The following COL18A1 variants were observed in gnomAD, a reference collection of about 807,000 sequenced individuals.
COL18A1 encodes the protein collagen alpha-1(XVIII) chain.
COL18A1 carries 133 observed loss-of-function variants against 168.0 expected under a neutral mutation model. The ratio of observed to expected loss-of-function variants is 0.79; its 90% CI spans 0.69 to 0.91. COL18A1 has a LOEUF of 0.91. COL18A1 is among the 40% of genes least tolerant of loss of function. The pLI is 0.00. For missense variants in COL18A1, 2,126 were observed against 1,925.4 expected (o/e 1.10, Z -1.95); for synonymous variants, 949 against 809.0 (o/e 1.17, Z -2.94).
In COL18A1 at chr21:45,471,538, C is replaced by G. The variant is rs149629227; in HGVS notation, c.652-2357C>G. On this transcript the variant is annotated intron_variant, in intron 3 of 41. Coordinates refer to ENST00000651438, the MANE Select transcript of COL18A1 (RefSeq NM_001379500.1). The surrounding 1 kb of genome is among the most constrained non-coding windows in gnomAD (Gnocchi z 4.4). ...GCTGCCACAGATGGTGCCTGGGACC[C>G]CCGGCCGCAGCTGGGTCCAACAGAG... Among the ~76,000 whole-genome samples the G allele has an allele frequency of 3.1e-3, 479 of 152,302 alleles. 3 individuals are homozygous for G. Among genetic ancestry groups the G allele is most frequent in the African/African-American group, 0.011 (457 of 41,556 alleles).
At chr21:45,421,627 G>A in intron 2 of COL18A1, 1 of 527,108 alleles carries the variant, frequency 1.9e-6, no homozygotes, top group Non-Finnish European at 3.9e-6. Context: ...GGCCTGGAAG[G>A]TGTGGAGCGG....
At chr21:45,452,448 A>G (rs1436675773) in intron 2 of COL18A1, among the ~76,000 whole-genome samples, 1 of 151,336 alleles carries the variant, frequency 6.6e-6, no homozygotes, top group Non-Finnish European at 1.5e-5. Flanking sequence ...GTGAGTACTC[A>G]CGTGTGACAT....
At chr21:45,441,606 C>G (rs143583188) in intron 2 of COL18A1, among the ~76,000 whole-genome samples, 5 of 152,216 alleles carry the variant, frequency 3.3e-5, no homozygotes, top group Non-Finnish European at 5.9e-5. Flanking sequence ...TGCTCCTCTC[C>G]GTGATCTGCC....
chr21:45,468,206 G>A, intron 2 of COL18A1, 36 bp from the exon 3 acceptor site: 2 of 1,611,484 alleles, frequency 1.2e-6, no homozygotes, highest in Non-Finnish European at 1.7e-6. Flanking sequence ...GTTCCGTCCT[G>A]CACAGCCACC....
At chr21:45,453,043 T>A (rs2034679963) in intron 2 of COL18A1, among the ~76,000 whole-genome samples, 1 of 152,062 alleles carries the variant, frequency 6.6e-6, no homozygotes, top group South Asian at 2.1e-4. Context: ...GTGTGACATG[T>A]AAGCATGTAT....
rs2033677025 is a variant in COL18A1 at position 45,423,084 on chromosome 21, G to A, written c.106+17611G>A. Among the ~76,000 whole-genome samples the A allele has an allele frequency of 6.6e-6, 1 of 152,130 alleles. No homozygotes were observed. Among genetic ancestry groups the A allele is most frequent in the African/African-American group, 2.4e-5 (1 of 41,428 alleles). Reference sequence around the variant, plus strand: ...CCGCATCTCCTTCCCAGAGTGTTGGGATTATAGGTGTGAGCCACCGCACCC... The same window carrying A: ...CCGCATCTCCTTCCCAGAGTGTTGGAATTATAGGTGTGAGCCACCGCACCC... On this transcript the variant is annotated intron_variant, in intron 2 of 41. Transcript: ENST00000651438. The surrounding 1 kb of genome is among the most constrained non-coding windows in gnomAD (Gnocchi z 4.0).
intron 20 of COL18A1, among the ~76,000 whole-genome samples, 176 bp from the exon 21 acceptor site, chr21:45,490,660 G>GGTCTCT (rs71185154): frequency 7.4e-5 from 11 of 149,126 alleles, no homozygotes; most frequent in South Asian, 2.1e-4. Context: ...GCCCACTCCC[G>GGTCTCT]GAGCGCCAGG....
intron 2 of COL18A1, among the ~76,000 whole-genome samples, chr21:45,460,132 A>T (rs1602435797): frequency 6.6e-6 from 1 of 152,206 alleles, no homozygotes; most frequent in Admixed American, 6.5e-5. Flanking sequence ...GGGAGCCTGG[A>T]GGAGGGCCCA....
chr21:45,437,106 C>T (rs1397911284), intron 2 of COL18A1, among the ~76,000 whole-genome samples: 5 of 102,828 alleles, frequency 4.9e-5, no homozygotes, highest in Non-Finnish European at 9.4e-5. Flanking sequence ...CTCTCCTGCA[C>T]ACACACTCAC....
chr21:45,422,607 G>T, intron 2 of COL18A1: 2 of 408,610 alleles, frequency 4.9e-6, no homozygotes, highest in Non-Finnish European at 1.0e-5. Context: ...CACAGTGGGT[G>T]GCACGGGCTC....
At chr21:45,456,968 T>A in intron 2 of COL18A1, 1 of 1,090,190 alleles carries the variant, frequency 9.2e-7, no homozygotes, top group Non-Finnish European at 1.2e-6. Flanking sequence ...CTGGTACAGG[T>A]TCCCCCCACA....
intron 32 of COL18A1, among the ~76,000 whole-genome samples, chr21:45,499,222 G>A (rs1193743559): frequency 2.6e-5 from 4 of 152,242 alleles, no homozygotes; most frequent in Non-Finnish European, 2.9e-5. Context: ...GAACGAGGAT[G>A]ACATGCAGGC....
At chr21:45,482,721 C>T (rs1671028106) in intron 14 of COL18A1, 74 bp from the exon 15 acceptor site, 1 of 1,610,768 alleles carries the variant, frequency 6.2e-7, no homozygotes, top group Non-Finnish European at 8.5e-7. Context: ...CAGTTCCTGG[C>T]AGGGCGATGT....
At position 45,480,774 on chromosome 21, in the gene COL18A1, G is replaced by A. The variant is rs2035864007; in HGVS notation, c.1527G>A (p.Gly509=). ...PGLPGEPGRF[G]VNSSDVPGPA... The stretch of plus-strand genomic sequence containing the variant: ...TGCCCGGCGAGCCAGGCCGCTTTGG[G>A]GTGAACAGCTCCGACGTCCCAGGAC... The change falls in exon 13 of 42, where the codon GGG becomes GGA. Residue 509 remains glycine, a synonymous_variant. Transcript: ENST00000651438. The A allele has an allele frequency of 6.2e-7, 1 of 1,611,522 alleles. No homozygotes were observed.
Position 45,468,575 on chromosome 21 carries a change from C to A in COL18A1, c.440C>A (p.Thr147Asn), listed in dbSNP as rs2145890723. 6.2e-7 allele frequency: 1 copy of A among 1,613,640 alleles called. No homozygotes were observed. The highest frequency in any genetic ancestry group is 8.5e-7 in the Non-Finnish European group (1 of 1,180,014). ...TACACAGAACCAGGTGCAGGCCAGACCCACACAGCCGCCAGCTTCCGGCTC... is the reference window on the plus strand; with the variant it reads ...TACACAGAACCAGGTGCAGGCCAGAACCACACAGCCGCCAGCTTCCGGCTC... Reference protein sequence around the residue: ...LLYTEPGAGQTHTAASFRLPA... With the variant: ...LLYTEPGAGQNHTAASFRLPA... The change falls in exon 3 of 42, where the codon ACC (threonine) becomes AAC (asparagine). Residue 147 changes from threonine to asparagine, a missense_variant. By Grantham distance (65) the Thr-to-Asn change is moderately conservative. Coordinates refer to ENST00000651438, the MANE Select transcript of COL18A1 (RefSeq NM_001379500.1).
chr21:45,494,989 G>A (rs1602553584), intron 28 of COL18A1, 74 bp downstream of exon 28: 9 of 1,340,490 alleles, frequency 6.7e-6, no homozygotes, highest in African/African-American at 1.4e-5. Context: ...GCCCACGGGG[G>A]TGACATGCCC....
chr21:45,474,443 C>CTGTG (rs1328782696), intron 4 of COL18A1, among the ~76,000 whole-genome samples: 1 of 114,420 alleles, frequency 8.7e-6, no homozygotes, highest in African/African-American at 4.4e-5. Flanking sequence ...TGTGGTGTGT[C>CTGTG]TCTGTGTGTA....
chr21:45,482,093 T>TCACCA, intron 14 of COL18A1, 68 bp downstream of exon 14: 1 of 1,306,276 alleles, frequency 7.7e-7, no homozygotes, highest in Non-Finnish European at 1.1e-6. Context: ...GGTCCGGGGG[T>TCACCA]GCCTGGTGAC....
At chr21:45,504,751 C>A (rs1233729206) in intron 34 of COL18A1, among the ~76,000 whole-genome samples, 195 bp downstream of exon 34, 2 of 152,106 alleles carry the variant, frequency 1.3e-5, no homozygotes, top group Non-Finnish European at 1.5e-5. Flanking sequence ...CCCCGGACAC[C>A]CCCCGTCCCC....
Sources: gnomAD v4.1 joint callset for allele counts (sites outside exome capture counted in the v4.1 genomes callset) on GRCh38, gnomAD v4.1.1 for gene constraint, Gnocchi (gnomAD v3.1) non-coding constraint, MANE v1.5 for transcripts, NCBI Gene and HGNC (gene_info 2026-07-23, HGNC 2026-07-21) for gene names.